Variants in UNC13B observed in about 807,000 individuals in gnomAD.
The protein encoded by UNC13B is unc-13 homolog B, also known as protein unc-13 homolog B.
Under a neutral mutation model 211.0 loss-of-function variants are expected in UNC13B, and 144 were observed. The observed-to-expected ratio is 0.68, with a 90% CI of 0.60 to 0.78. The LOEUF is 0.78. UNC13B is among the 30% of genes least tolerant of loss of function. The pLI is 0.00. For synonymous variants in UNC13B, 709 were observed against 725.8 expected (o/e 0.98, Z 0.37); for missense variants, 1,777 against 2,002.0 (o/e 0.89, Z 2.14).
rs533712119 is a variant in UNC13B at position 35,218,039 on chromosome 9, C to T, written c.23-9976C>T. The stretch of plus-strand genomic sequence containing the variant: ...ACCCTCAAAAAAAAAAGATTTTAGG[C>T]GTGGAAAGAGAAAAAATTATAACCT... On this transcript the variant is annotated intron_variant, in intron 1 of 39. Coordinates refer to ENST00000635942, the MANE Select transcript of UNC13B (RefSeq NM_001371189.2). Among the ~76,000 whole-genome samples, 6 of 151,900 alleles carry T rather than the reference C, an allele frequency of 3.9e-5. No individual in the cohort carries two copies. The South Asian group carries it at 1.2e-3, about 32-fold the overall frequency.
At chr9:35,344,893 T>TTTTGTTTG (rs370033757) in intron 11 of UNC13B, among the ~76,000 whole-genome samples, 1 of 152,170 alleles carries the variant, frequency 6.6e-6, no homozygotes, top group Non-Finnish European at 1.5e-5. Flanking sequence ...TGTTTTGGGT[T>TTTTGTTTG]TTTGTTTGTT....
Position 35,173,633 on chromosome 9 carries a change from AG to A in UNC13B, c.22+11330del, listed in dbSNP as rs1821451507. On this transcript the variant is annotated intron_variant, in intron 1 of 39. Transcript: ENST00000635942. The stretch of plus-strand genomic sequence containing the variant: ...GAGATGGGGTTTCACCGTGTTGCCC[AG>A]GCTGGTCTCAAACTCTTGAGCTCAT... Among the ~76,000 whole-genome samples, 6 of 152,176 alleles carry A rather than the reference AG, an allele frequency of 3.9e-5. No homozygotes were observed. The South Asian group carries it at 1.2e-3, about 32-fold the overall frequency.
chr9:35,171,971 T>C (rs1821356435), intron 1 of UNC13B, among the ~76,000 whole-genome samples: 1 of 152,190 alleles, frequency 6.6e-6, no homozygotes, highest in Non-Finnish European at 1.5e-5. Context: ...AGAAAAGCTG[T>C]GAAATTTATT....
chr9:35,366,259 C>G (rs761012094), intron 11 of UNC13B, among the ~76,000 whole-genome samples: 1 of 152,192 alleles, frequency 6.6e-6, no homozygotes, highest in Admixed American at 6.5e-5. Flanking sequence ...TCTTTTGGTA[C>G]AGAAACCTTT....
chr9:35,316,945 G>C (rs1464160407), intron 11 of UNC13B, among the ~76,000 whole-genome samples: 1 of 151,984 alleles, frequency 6.6e-6, no homozygotes, highest in Non-Finnish European at 1.5e-5. Flanking sequence ...TTAAAAAAAA[G>C]TATCACTGTG....
Position 35,381,731 on chromosome 9 carries a change from C to G in UNC13B, c.10655+12C>G. 6.2e-7 allele frequency: 1 copy of G among 1,611,568 alleles called. No homozygotes were observed. The highest frequency in any genetic ancestry group is 8.5e-7 in the Non-Finnish European group (1 of 1,178,048). ...TATCAGGCCATGACGTGAGTCTCTG[C>G]TGCGGCACCGGGAAGTGGCTACTAA... is the stretch of plus-strand genomic sequence containing the variant. On this transcript the variant is annotated intron_variant, in intron 20 of 39. Coordinates refer to ENST00000635942, the MANE Select transcript of UNC13B (RefSeq NM_001371189.2).
chr9:35,214,067 C>G (rs1249432269), intron 1 of UNC13B, among the ~76,000 whole-genome samples: 1 of 151,862 alleles, frequency 6.6e-6, no homozygotes, highest in African/African-American at 2.4e-5. Context: ...GAGTATAAAT[C>G]AAAATGAGTA....
At chr9:35,192,917 G>A (rs1465903337) in intron 1 of UNC13B, among the ~76,000 whole-genome samples, 1 of 152,078 alleles carries the variant, frequency 6.6e-6, no homozygotes, top group East Asian at 1.9e-4. Context: ...AGGGTGGAGA[G>A]GAAAACAGTG....
intron 11 of UNC13B, among the ~76,000 whole-genome samples, chr9:35,336,978 C>T (rs575091962): frequency 1.3e-5 from 2 of 152,246 alleles, no homozygotes; most frequent in African/African-American, 4.8e-5. Flanking sequence ...TGAGATGGCA[C>T]ATTAAGTGAG....
chr9:35,394,467 A>C (rs961414014), intron 26 of UNC13B, among the ~76,000 whole-genome samples: 2 of 152,138 alleles, frequency 1.3e-5, no homozygotes, highest in Non-Finnish European at 2.9e-5. Flanking sequence ...GTGCTGGCAC[A>C]TGTCTGTAAT....
At chr9:35,262,700 A>T (rs1487341142) in intron 7 of UNC13B, among the ~76,000 whole-genome samples, 1 of 152,074 alleles carries the variant, frequency 6.6e-6, no homozygotes, top group Non-Finnish European at 1.5e-5. Context: ...CAAGGTGGAG[A>T]CGGGTGGATC....
intron 1 of UNC13B, among the ~76,000 whole-genome samples, chr9:35,199,657 C>T (rs1219611224): frequency 1.3e-5 from 2 of 152,158 alleles, no homozygotes; most frequent in Non-Finnish European, 2.9e-5. Context: ...AGTGTCTGTT[C>T]ATATCCTTTG....
intron 11 of UNC13B, among the ~76,000 whole-genome samples, chr9:35,340,357 A>G (rs1297244503): frequency 6.6e-6 from 1 of 152,202 alleles, no homozygotes; most frequent in African/African-American, 2.4e-5. Context: ...GGGGGAAGCA[A>G]TGTTATTGGA....
chr9:35,180,829 G>A (rs534276798), intron 1 of UNC13B, among the ~76,000 whole-genome samples: 3 of 151,996 alleles, frequency 2.0e-5, no homozygotes, highest in Admixed American at 6.6e-5. Flanking sequence ...AGGCAGAGTG[G>A]TTTACGCCTG....
At position 35,236,734 on chromosome 9, in the gene UNC13B, A is replaced by C. The variant is rs116758867; in HGVS notation, c.270+148A>C. 495 of 738,266 alleles carry C rather than the reference A, an allele frequency of 6.7e-4. 2 individuals are homozygous for C. In the African/African-American group the frequency reaches 8.0e-3, roughly 12 times the overall value. 45.7% of individuals were successfully genotyped at this position (738,266 alleles called of 1,614,324 possible). On this transcript the variant is annotated intron_variant, in intron 4 of 39. Transcript: ENST00000635942. Reference sequence around the variant, plus strand: ...AGGGCATGCAACCTGCCTGTTCCTAACTTCACCTGAAGGTTCAGATGATTT... The same window carrying C: ...AGGGCATGCAACCTGCCTGTTCCTACCTTCACCTGAAGGTTCAGATGATTT...
At chr9:35,371,493 G>A (rs1188841132) in intron 13 of UNC13B, among the ~76,000 whole-genome samples, 1 of 151,742 alleles carries the variant, frequency 6.6e-6, no homozygotes, top group East Asian at 1.9e-4. Flanking sequence ...CCTTTCTAAT[G>A]TACCTCTTCT....
chr9:35,306,912 C>T lies in UNC13B; in HGVS notation c.7508C>T (p.Ser2503Phe), dbSNP rs1308558256. The change falls in exon 9 of 40, where the codon TCT becomes TTT. Residue 2503 changes from serine (S) to phenylalanine (F), a missense_variant. Coordinates refer to ENST00000635942, the MANE Select transcript of UNC13B (RefSeq NM_001371189.2). The part of the protein sequence containing the change: ...SFFSLASDVS[S>F]QPLKGELFGI... ...TTCTCTCTTGCTTCTGATGTATCATCTCAGCCCCTCAAAGGTGAATTATTT... is the reference window on the plus strand; with the variant it reads ...TTCTCTCTTGCTTCTGATGTATCATTTCAGCCCCTCAAAGGTGAATTATTT... The T allele has an allele frequency of 1.0e-5, 4 of 398,936 alleles. No individual in the cohort carries two copies. Among genetic ancestry groups the T allele is most frequent in the African/African-American group, 8.2e-5 (4 of 48,630 alleles). The allele number at this position is 398,936 out of a possible 1,614,324, so 24.7% of individuals were successfully genotyped here.
intron 13 of UNC13B, among the ~76,000 whole-genome samples, chr9:35,371,615 C>A (rs1293620305): frequency 2.0e-5 from 3 of 152,006 alleles, no homozygotes; most frequent in African/African-American, 7.2e-5. Context: ...TCTTCCTCTT[C>A]TTCCTACTTT....
chr9:35,285,748 G>C (rs1209116302), intron 7 of UNC13B, among the ~76,000 whole-genome samples: 1 of 152,126 alleles, frequency 6.6e-6, no homozygotes, highest in African/African-American at 2.4e-5. Flanking sequence ...TAATAATTCA[G>C]AATAATTCTG....
Sources: allele counts gnomAD v4.1 joint callset (sites outside exome capture counted in the v4.1 genomes callset), GRCh38; gene constraint gnomAD v4.1.1; transcripts MANE v1.5; gene names NCBI Gene and HGNC (gene_info 2026-07-23, HGNC 2026-07-21).